Variants in CATSPERG observed in about 807,000 individuals in gnomAD.
The protein encoded by CATSPERG is catsper channel auxiliary subunit gamma.
In CATSPERG, 115 loss-of-function variants were observed where a neutral mutation model predicts 145.0. The observed-to-expected ratio is 0.79, with a 90% CI of 0.68 to 0.93. The LOEUF (loss-of-function observed/expected upper bound fraction) is 0.93. CATSPERG is among the 40% of genes least tolerant of loss of function. The pLI, the probability that CATSPERG is intolerant of heterozygous loss-of-function variation, is 0.00. For synonymous variants in CATSPERG, 588 were observed against 589.0 expected (o/e 1.00, Z 0.02); for missense variants, 1,296 against 1,490.1 (o/e 0.87, Z 2.14).
chr19:38,336,857 A>G (rs1969846748), intron 1 of CATSPERG, among the ~76,000 whole-genome samples: 1 of 151,680 alleles, frequency 6.6e-6, no homozygotes, highest in South Asian at 2.1e-4. Context: ...GGGCGGAACG[A>G]GGCGGAGGAG....
chr19:38,370,886 T>G lies in CATSPERG; in HGVS notation c.*94T>G. 7.2e-7 allele frequency: 1 copy of G among 1,387,032 alleles called. No homozygotes were observed. Among genetic ancestry groups the G allele is most frequent in the Non-Finnish European group, 9.9e-7 (1 of 1,005,166 alleles). The allele number at this position is 1,387,032 out of a possible 1,614,324, so 85.9% of individuals were successfully genotyped here. On this transcript the variant is annotated 3_prime_UTR_variant, in exon 29 of 29. Coordinates refer to ENST00000409235, the MANE Select transcript of CATSPERG (RefSeq NM_021185.5). ...CCTGTCACCCAGCCCAGGCCTCTCT[T>G]TCTGTTTTGCTTGATGTTTACTTCT... is the stretch of plus-strand genomic sequence containing the variant.
Position 38,368,063 on chromosome 19 carries a change from C to G in CATSPERG, c.2946C>G (p.Ile982Met). The G allele has an allele frequency of 1.2e-6, 2 of 1,614,144 alleles. No individual in the cohort carries two copies. The highest frequency in any genetic ancestry group is 1.1e-5 in the South Asian group (1 of 91,088). ...GCCTGCACAGGACCAACAGCCTTAT[C>G]TGGACCACGAGGACCACAAGGACCA... ...NSPLDKTNSL[I>M]WTTRTTRTTK... Residue 982 changes from isoleucine (I) to methionine (M), a missense_variant, in exon 26 of 29, where the codon ATC (isoleucine) becomes ATG (methionine). Physicochemically the swap from Ile to Met is conservative, Grantham distance 10. Transcript: ENST00000409235.
At chr19:38,364,312 A>G (rs1353101386) in intron 20 of CATSPERG, among the ~76,000 whole-genome samples, 1 of 149,782 alleles carries the variant, frequency 6.7e-6, no homozygotes, top group Non-Finnish European at 1.5e-5. Flanking sequence ...GACGCTCCTC[A>G]CCTCCCAGAT....
intron 7 of CATSPERG, among the ~76,000 whole-genome samples, chr19:38,351,590 A>G (rs1266595416): frequency 6.6e-6 from 1 of 150,964 alleles, no homozygotes; most frequent in African/African-American, 2.4e-5. Flanking sequence ...CCTGGGTGAC[A>G]GAGCAAGACT....
chr19:38,341,110 A>G (rs916262632), intron 3 of CATSPERG, among the ~76,000 whole-genome samples: 1 of 152,094 alleles, frequency 6.6e-6, no homozygotes, highest in Non-Finnish European at 1.5e-5. Context: ...AGAGTGAGTG[A>G]GAGGGAGTGT....
At chr19:38,370,381 C>G in intron 28 of CATSPERG, 123 bp downstream of exon 28, 1 of 1,389,998 alleles carries the variant, frequency 7.2e-7, no homozygotes, top group African/African-American at 1.4e-5. Flanking sequence ...TGACTGAACG[C>G]CTGCCATGCC....
In CATSPERG at chr19:38,351,063, C is replaced by T. The variant is rs141182581; in HGVS notation, c.826-1198C>T. On this transcript the variant is annotated intron_variant, in intron 7 of 28. Coordinates refer to ENST00000409235, the MANE Select transcript of CATSPERG (RefSeq NM_021185.5). ...CAGAGGCTGCATCTTCTCAAGCCCA[C>T]ATTCAGTGGGAAAGATCTTTCCCAA... Among the ~76,000 whole-genome samples the T allele has an allele frequency of 1.5e-3, 228 of 152,300 alleles. 6 individuals are homozygous for T. In the East Asian group the frequency reaches 0.032, roughly 22 times the overall value.
chr19:38,342,139 G>T (rs1314382634), intron 3 of CATSPERG, among the ~76,000 whole-genome samples: 1 of 149,704 alleles, frequency 6.7e-6, no homozygotes, highest in Non-Finnish European at 1.5e-5. Context: ...ATTTTAGGAG[G>T]CTAAGGCTGG....
intron 3 of CATSPERG, chr19:38,337,910 T>G (rs1392162539): frequency 3.2e-6 from 1 of 315,672 alleles, no homozygotes; most frequent in African/African-American, 2.2e-5. Context: ...AGAGACAGGG[T>G]TTCACCACGT....
Position 38,370,268 on chromosome 19 carries a change from T to C in CATSPERG, c.3213+10T>C. On this transcript the variant is annotated intron_variant, in intron 28 of 28. Coordinates refer to ENST00000409235, the MANE Select transcript of CATSPERG (RefSeq NM_021185.5). ...CCTTTTCATCATCATGGTGAGTGGC[T>C]GTCCGGGAGCTGCCCTACTGGGTGG... The C allele has an allele frequency of 6.2e-7, 1 of 1,611,730 alleles. No individual in the cohort carries two copies.
intron 14 of CATSPERG, 21 bp downstream of exon 14, chr19:38,359,602 C>T: frequency 6.3e-7 from 1 of 1,596,284 alleles, no homozygotes; most frequent in Non-Finnish European, 8.6e-7. Flanking sequence ...CCGCCCCTCT[C>T]CCCGTTCCCT....
chr19:38,352,483 C>A (rs1462901164), intron 8 of CATSPERG, 51 bp downstream of exon 8: 1 of 1,525,586 alleles, frequency 6.6e-7, no homozygotes, highest in African/African-American at 1.4e-5. Context: ...CCTGGTGAAC[C>A]CCTCCACTGA....
chr19:38,344,080 T>G lies in CATSPERG; in HGVS notation c.557T>G (p.Ile186Ser). The G allele has an allele frequency of 1.2e-5, 18 of 1,551,582 alleles. No individual in the cohort carries two copies. The highest frequency in any genetic ancestry group is 1.5e-5 in the Non-Finnish European group (17 of 1,146,934). The change falls in exon 5 of 29, where the codon ATC becomes AGC. Residue 186 changes from isoleucine to serine, a missense_variant. Transcript: ENST00000409235. ...GGCAGTGTGGTCATGCGTGTGGACATCAGCAGCAATGGCCTGGGGACCTTC... is the reference window on the plus strand; with the variant it reads ...GGCAGTGTGGTCATGCGTGTGGACAGCAGCAGCAATGGCCTGGGGACCTTC... ...KKGSVVMRVD[I>S]SSNGLGTFIP...
At chr19:38,364,728 C>T (rs1970418834) in intron 20 of CATSPERG, among the ~76,000 whole-genome samples, 163 bp from the exon 21 acceptor site, 1 of 152,246 alleles carries the variant, frequency 6.6e-6, no homozygotes, top group Non-Finnish European at 1.5e-5. Flanking sequence ...GAGACCAGCC[C>T]GGCCAACACC....
intron 7 of CATSPERG, among the ~76,000 whole-genome samples, chr19:38,350,204 G>T (rs1282205507): frequency 6.6e-6 from 1 of 152,136 alleles, no homozygotes; most frequent in East Asian, 1.9e-4. Context: ...GGTGGTACAT[G>T]CCCAGCTAAA....
intron 3 of CATSPERG, among the ~76,000 whole-genome samples, chr19:38,341,812 C>T (rs1050613297): frequency 1.3e-5 from 2 of 151,710 alleles, no homozygotes; most frequent in Non-Finnish European, 2.9e-5. Flanking sequence ...TGAGGCAGGA[C>T]GATCGCCTGA....
At chr19:38,355,703 T>C (rs574301342) in intron 9 of CATSPERG, among the ~76,000 whole-genome samples, 1 of 152,220 alleles carries the variant, frequency 6.6e-6, no homozygotes, top group African/African-American at 2.4e-5. Context: ...TTAATAATAA[T>C]GATAGTAATA....
intron 13 of CATSPERG, among the ~76,000 whole-genome samples, chr19:38,358,874 G>A (rs186121582): frequency 6.6e-6 from 1 of 152,020 alleles, no homozygotes; most frequent in African/African-American, 2.4e-5. Context: ...TTTTGGGACA[G>A]AGTCTCACTC....
chr19:38,336,640 G>GGGT (rs930145598), intron 1 of CATSPERG: 3 of 242,018 alleles, frequency 1.2e-5, no homozygotes, highest in African/African-American at 6.9e-5. Flanking sequence ...AGAAGTGCGA[G>GGGT]GGTGGGGCAA....
Sources: allele counts gnomAD v4.1 joint callset (sites outside exome capture counted in the v4.1 genomes callset), GRCh38; gene constraint gnomAD v4.1.1; transcripts MANE v1.5; gene names NCBI Gene and HGNC (gene_info 2026-07-23, HGNC 2026-07-21).